LMNB2: variants seen among roughly 807,000 people sequenced by gnomAD.
LMNB2 encodes the protein lamin-B2.
In LMNB2, 17 loss-of-function variants were observed where a neutral mutation model predicts 69.3. That is an observed-to-expected ratio of 0.25 (90% confidence interval 0.17 to 0.37). LMNB2 has a LOEUF of 0.37. Ranked by LOEUF, LMNB2 falls within the 10% of genes least tolerant of loss-of-function variation. LMNB2 has a pLI of 1.00. For missense variants in LMNB2, 789 were observed against 883.6 expected (o/e 0.89, Z 1.36); for synonymous variants, 397 against 389.3 (o/e 1.02, Z -0.23).
chr19:2,435,140 C>T lies in LMNB2; in HGVS notation c.716G>A (p.Arg239Gln), dbSNP rs748007731. 92 of 1,605,138 alleles carry T rather than the reference C, an allele frequency of 5.7e-5. No individual in the cohort carries two copies. The highest frequency in any genetic ancestry group is 1.9e-4 in the South Asian group (17 of 91,044). ...EVRETRRRHE[R>Q]RLVEVDSSRQ... Reference sequence around the variant, plus strand: ...GCTGCTGTCCACCTCCACCAGGCGCCGCTCGTGCCGCCGCCGCGTCTCCCG... The same window carrying T: ...GCTGCTGTCCACCTCCACCAGGCGCTGCTCGTGCCGCCGCCGCGTCTCCCG... Residue 239 changes from arginine to glutamine, a missense_variant, in exon 5 of 12, where the codon CGG becomes CAG. Coordinates refer to ENST00000325327, the MANE Select transcript of LMNB2 (RefSeq NM_032737.4).
chr19:2,456,691 CT>C lies in LMNB2; in HGVS notation c.242del (p.Lys81ArgfsTer4). The C allele has an allele frequency of 6.4e-7, 1 of 1,554,182 alleles. No homozygotes were observed. Among genetic ancestry groups the C allele is most frequent in the Non-Finnish European group, 8.7e-7 (1 of 1,150,770 alleles). On this transcript the variant is annotated frameshift_variant, in exon 1 of 12. Transcript: ENST00000325327. LOFTEE classifies it high-confidence loss of function. Reference sequence around the variant, plus strand: ...CCACCTCGCGCGTGGTCACCTCCTCCTTCTCTGAGATCTTGAGCAGGAGCCG... The same window carrying C: ...CCACCTCGCGCGTGGTCACCTCCTCCTCTCTGAGATCTTGAGCAGGAGCCG... Reference protein sequence around the residue: ...NDRLLLKISEKEEVTTREVSG... With the variant: ...NDRLLLKISEXEEVTTREVSG...
At chr19:2,455,243 AC>A (rs1458007298) in intron 1 of LMNB2, among the ~76,000 whole-genome samples, 1 of 151,456 alleles carries the variant, frequency 6.6e-6, no homozygotes, top group Non-Finnish European at 1.5e-5. Context: ...AGACCACGTG[AC>A]TCACCCCAGA....
At position 2,438,175 on chromosome 19, in the gene LMNB2, A is replaced by G. The variant is rs1971850062; in HGVS notation, c.672T>C (p.Ser224=). The change falls in exon 4 of 12, where the codon AGT becomes AGC. Residue 224 remains serine (S), a synonymous_variant. Transcript: ENST00000325327. ...GCCACTCACTCACCTCCTCGAACAC[A>G]CTCTTCCGGAAGTCCAGCTCCTCCT... ...SLQEELDFRK[S]VFEEEVRETR... 1 of 1,613,090 alleles carries G rather than the reference A, an allele frequency of 6.2e-7. No individual in the cohort carries two copies. The highest frequency in any genetic ancestry group is 8.5e-7 in the Non-Finnish European group (1 of 1,179,804).
At chr19:2,456,003 C>T (rs1205939545) in intron 1 of LMNB2, among the ~76,000 whole-genome samples, 1 of 150,460 alleles carries the variant, frequency 6.6e-6, no homozygotes, top group African/African-American at 2.5e-5. Flanking sequence ...CGCGATCGCG[C>T]ACCCCGCGGT....
At chr19:2,442,058 A>T (rs1300651863) in intron 2 of LMNB2, among the ~76,000 whole-genome samples, 1 of 152,168 alleles carries the variant, frequency 6.6e-6, no homozygotes, top group Non-Finnish European at 1.5e-5. Flanking sequence ...TAGAATCTTC[A>T]GCTGGGTGCC....
Position 2,438,660 on chromosome 19 carries a change from C to T in LMNB2, c.402-129G>A, listed in dbSNP as rs533472931. ...CCTCCGAGCCCCAGACCTTCCCGTCCTGCAGACGACGCGGCCCCACGCGCC... is the reference window on the plus strand; with the variant it reads ...CCTCCGAGCCCCAGACCTTCCCGTCTTGCAGACGACGCGGCCCCACGCGCC... On this transcript the variant is annotated intron_variant, in intron 2 of 11. Coordinates refer to ENST00000325327, the MANE Select transcript of LMNB2 (RefSeq NM_032737.4). The T allele has an allele frequency of 2.6e-6, 3 of 1,144,228 alleles. No homozygotes were observed. The South Asian group carries it at 4.7e-5, about 18-fold the overall frequency. 70.9% of individuals were successfully genotyped at this position (1,144,228 alleles called of 1,614,324 possible). A position where few individuals can be genotyped will look rare whatever the true frequency, so the allele number is the denominator to read the frequency against.
At chr19:2,448,442 G>A (rs546446884) in intron 1 of LMNB2, among the ~76,000 whole-genome samples, 3 of 152,280 alleles carry the variant, frequency 2.0e-5, no homozygotes, top group South Asian at 4.1e-4. Context: ...GATCAGCGCC[G>A]GGACACACAG....
intron 1 of LMNB2, among the ~76,000 whole-genome samples, chr19:2,448,300 G>A (rs1336072262): frequency 1.3e-5 from 2 of 152,224 alleles, no homozygotes; most frequent in Non-Finnish European, 2.9e-5. Context: ...CCTCAAGGGA[G>A]GGGCTGACGG....
In LMNB2 at chr19:2,431,865, G is replaced by C; in HGVS notation, c.1628C>G (p.Pro543Arg). ...CTGGCCCTTCCACACCAGCGTCGAG[G>C]GGGGGCTGTGGGCCACCCCCGCACC... ...AAGAGVAHSP[P>R]STLVWKGQSS... Residue 543 changes from proline to arginine, a missense_variant, in exon 10 of 12, where the codon CCC (proline) becomes CGC (arginine). By Grantham distance (103) the Pro-to-Arg change is moderately radical. Transcript: ENST00000325327. The C allele has an allele frequency of 1.9e-6, 3 of 1,612,994 alleles. No individual in the cohort carries two copies. The highest frequency in any genetic ancestry group is 2.5e-6 in the Non-Finnish European group (3 of 1,179,908).
rs1294697022 is a variant in LMNB2, at chr19:2,429,505, C to T, written c.*1406G>A. On this transcript the variant is annotated 3_prime_UTR_variant, in exon 12 of 12. Coordinates refer to ENST00000325327, the MANE Select transcript of LMNB2 (RefSeq NM_032737.4). ...CTTCCCGGCCTGGGGCTGGGGCCCC[C>T]CATTCCTTCCTGCCACAGGCAGGTC... The T allele has an allele frequency of 6.6e-6, 1 of 152,264 alleles. No individual in the cohort carries two copies. Among genetic ancestry groups the T allele is most frequent in the Non-Finnish European group, 1.5e-5 (1 of 68,056 alleles). The allele number at this position is 152,264 out of a possible 1,614,324, so 9.4% of individuals were successfully genotyped here. A position where few individuals can be genotyped will look rare whatever the true frequency, so the allele number is the denominator to read the frequency against.
At chr19:2,441,242 G>T (rs975447866) in intron 2 of LMNB2, among the ~76,000 whole-genome samples, 1 of 152,378 alleles carries the variant, frequency 6.6e-6, no homozygotes, top group South Asian at 2.1e-4. Context: ...CCTGAATCCC[G>T]GGTCTGGCTC....
Position 2,430,814 on chromosome 19 carries a change from C to A in LMNB2, c.*97G>T. On this transcript the variant is annotated 3_prime_UTR_variant, in exon 12 of 12. Coordinates refer to ENST00000325327, the MANE Select transcript of LMNB2 (RefSeq NM_032737.4). The stretch of plus-strand genomic sequence containing the variant: ...CGTTCTGGCAGTTCGCTTAGAAATT[C>A]TCTAGAAATGTATCAAGAACTAAAG... 2.2e-6 allele frequency: 2 copies of A among 907,586 alleles called. No homozygotes were observed. The highest frequency in any genetic ancestry group is 1.7e-5 in the Admixed American group (1 of 58,016). 56.2% of individuals were successfully genotyped at this position (907,586 alleles called of 1,614,324 possible).
chr19:2,448,166 G>A (rs965153406), intron 1 of LMNB2, among the ~76,000 whole-genome samples: 1 of 152,194 alleles, frequency 6.6e-6, no homozygotes, highest in Non-Finnish European at 1.5e-5. Flanking sequence ...CTGTGTCCTG[G>A]GAACAGACTT....
chr19:2,456,541 G>T, intron 1 of LMNB2, 129 bp downstream of exon 1: 1 of 999,158 alleles, frequency 1.0e-6, no homozygotes, highest in Non-Finnish European at 1.3e-6. Context: ...CCGAAACCCC[G>T]CGGAAACCCC....
At position 2,430,711 on chromosome 19, in the gene LMNB2, G is replaced by C. The variant is rs1345508482; in HGVS notation, c.*200C>G. Reference sequence around the variant, plus strand: ...AGTGGGGTGGGATTGAAAAGTCTCCGGGGCAGCGGCGAAGTGGCAGCGAAG... The same window carrying C: ...AGTGGGGTGGGATTGAAAAGTCTCCCGGGCAGCGGCGAAGTGGCAGCGAAG... On this transcript the variant is annotated 3_prime_UTR_variant, in exon 12 of 12. Transcript: ENST00000325327. 1.2e-5 allele frequency: 8 copies of C among 662,686 alleles called. No homozygotes were observed. The highest frequency in any genetic ancestry group is 1.8e-5 in the African/African-American group (1 of 56,308). 41.1% of individuals were successfully genotyped at this position (662,686 alleles called of 1,614,324 possible). A position where few individuals can be genotyped will look rare whatever the true frequency, so the allele number is the denominator to read the frequency against.
chr19:2,447,843 G>A lies in LMNB2; in HGVS notation c.265-3303C>T, dbSNP rs1053846619. On this transcript the variant is annotated intron_variant, in intron 1 of 11. Transcript: ENST00000325327. This position sits in a 1 kb window ranked among gnomAD's most constrained non-coding sequence, Gnocchi z 4.4. ...GTGGGACCCTCAGCCTCAAACCAACGCATGCTGGGCCATCTGGACAAGTCA... is the reference window on the plus strand; with the variant it reads ...GTGGGACCCTCAGCCTCAAACCAACACATGCTGGGCCATCTGGACAAGTCA... Among the ~76,000 whole-genome samples the A allele has an allele frequency of 2.6e-5, 4 of 152,162 alleles. 1 individual carries two copies. The South Asian group carries it at 8.3e-4, about 31-fold the overall frequency.
intron 1 of LMNB2, among the ~76,000 whole-genome samples, chr19:2,452,342 G>A (rs780992821): frequency 6.0e-4 from 91 of 152,100 alleles, no homozygotes; most frequent in Non-Finnish European, 1.3e-3. Flanking sequence ...GCTGAGGCAC[G>A]AGAAGCCCTT....
chr19:2,434,703 G>T (rs1971797879), intron 6 of LMNB2, 85 bp downstream of exon 6: 8 of 1,531,556 alleles, frequency 5.2e-6, no homozygotes, highest in Admixed American at 2.0e-5. Context: ...ATGCCAAGAG[G>T]CCAGAGCCCC....
At chr19:2,437,698 G>T (rs1373322758) in intron 4 of LMNB2, among the ~76,000 whole-genome samples, 1 of 151,146 alleles carries the variant, frequency 6.6e-6, no homozygotes, top group Non-Finnish European at 1.5e-5. Context: ...TACTCGGGAG[G>T]CTGAGGCAGG....
Sources: gnomAD v4.1 joint callset for allele counts (sites outside exome capture counted in the v4.1 genomes callset) on GRCh38, gnomAD v4.1.1 for gene constraint, Gnocchi (gnomAD v3.1) non-coding constraint, MANE v1.5 for transcripts, NCBI Gene and HGNC (gene_info 2026-07-23, HGNC 2026-07-21) for gene names.